ZNF804B: variants seen among roughly 807,000 people sequenced by gnomAD.
ZNF804B encodes the protein zinc finger protein 804B.
ZNF804B carries 80 observed loss-of-function variants against 101.4 expected under a neutral mutation model. That is an observed-to-expected ratio of 0.79 (90% confidence interval 0.66 to 0.95). The LOEUF (loss-of-function observed/expected upper bound fraction) is 0.95. Among genes scored for constraint, ZNF804B ranks in the 40% least tolerant of loss-of-function variants. The pLI, the probability that ZNF804B is intolerant of heterozygous loss-of-function variation, is 0.00. For missense variants in ZNF804B, 1,673 were observed against 1,561.9 expected (o/e 1.07, Z -1.20); for synonymous variants, 622 against 558.8 (o/e 1.11, Z -1.59).
chr7:89,195,532 T>C (rs1788532949), intron 1 of ZNF804B, among the ~76,000 whole-genome samples: 3 of 150,300 alleles, frequency 2.0e-5, no homozygotes, highest in African/African-American at 7.4e-5. Context: ...ACAAGCATTC[T>C]TATACACCAA....
At chr7:89,201,288 T>A (rs2115650266) in intron 1 of ZNF804B, among the ~76,000 whole-genome samples, 1 of 152,068 alleles carries the variant, frequency 6.6e-6, no homozygotes, top group East Asian at 1.9e-4. Flanking sequence ...AGAATTAGGA[T>A]TTTTTATAGC....
At chr7:89,127,077 A>G (rs1050535527) in intron 1 of ZNF804B, among the ~76,000 whole-genome samples, 1 of 151,990 alleles carries the variant, frequency 6.6e-6, no homozygotes, top group African/African-American at 2.4e-5. Flanking sequence ...TTTCTGGAAA[A>G]TAGAACAGCT....
intron 1 of ZNF804B, among the ~76,000 whole-genome samples, chr7:89,127,009 A>G (rs958569771): frequency 2.2e-5 from 2 of 91,214 alleles, no homozygotes; most frequent in Admixed American, 2.0e-4. Context: ...AAAGCAGCCT[A>G]CAAAGACAAA....
chr7:89,168,737 G>GCA (rs1435738996), intron 1 of ZNF804B, among the ~76,000 whole-genome samples: 2 of 132,000 alleles, frequency 1.5e-5, no homozygotes, highest in East Asian at 4.5e-4. Flanking sequence ...AAGTGGAGTT[G>GCA]CACATTGTCT....
chr7:88,971,763 TTTA>T (rs1343742762), intron 1 of ZNF804B, among the ~76,000 whole-genome samples: 2 of 151,542 alleles, frequency 1.3e-5, no homozygotes, highest in Non-Finnish European at 3.0e-5. Flanking sequence ...ATATTACCCT[TTTA>T]TTATTATTTA....
intron 2 of ZNF804B, among the ~76,000 whole-genome samples, chr7:89,224,626 G>T (rs1319425720): frequency 2.6e-5 from 4 of 151,764 alleles, no homozygotes; most frequent in Non-Finnish European, 5.9e-5. Context: ...AGACTGGAGT[G>T]CCTGGAATGA....
chr7:89,211,670 T>A (rs1426093706), intron 1 of ZNF804B, among the ~76,000 whole-genome samples: 1 of 152,164 alleles, frequency 6.6e-6, no homozygotes, highest in Non-Finnish European at 1.5e-5. Flanking sequence ...GTGGTCTTAT[T>A]TCTGAGTTCT....
At position 88,782,316 on chromosome 7, in the gene ZNF804B, T is replaced by C. The variant is rs1396708634; in HGVS notation, c.108+22232T>C. ...ACAGGGAGGACATAATTAATAGAAA[T>C]AATCTGCATTATTTATGCAAAGCCT... On this transcript the variant is annotated intron_variant, in intron 1 of 3. Coordinates refer to ENST00000333190, the MANE Select transcript of ZNF804B (RefSeq NM_181646.5). Among the ~76,000 whole-genome samples, 5 of 151,990 alleles carry C rather than the reference T, an allele frequency of 3.3e-5. 1 individual carries two copies. The highest frequency in any genetic ancestry group is 5.9e-5 in the Non-Finnish European group (4 of 67,976).
intron 1 of ZNF804B, among the ~76,000 whole-genome samples, chr7:88,950,753 A>G (rs1475784631): frequency 3.3e-5 from 5 of 151,890 alleles, no homozygotes; most frequent in Admixed American, 1.3e-4. Flanking sequence ...AAATTAGATT[A>G]TGTATATAAA....
chr7:89,277,094 A>G lies in ZNF804B; in HGVS notation c.250-50250A>G, dbSNP rs143404938. On this transcript the variant is annotated intron_variant, in intron 2 of 3. Transcript: ENST00000333190. Reference sequence around the variant, plus strand: ...AATAGACATTTTCAGTTTATTATGTATACAAATATTTATTATATATAAATA... The same window carrying G: ...AATAGACATTTTCAGTTTATTATGTGTACAAATATTTATTATATATAAATA... 2.2e-3 allele frequency among the ~76,000 whole-genome samples: 331 copies of G among 149,086 alleles called. 16 individuals carry two copies. In the East Asian group the frequency reaches 0.052, roughly 24 times the overall value.
At chr7:89,287,267 C>T (rs1368247677) in intron 2 of ZNF804B, among the ~76,000 whole-genome samples, 2 of 151,936 alleles carry the variant, frequency 1.3e-5, no homozygotes, top group Non-Finnish European at 2.9e-5. Flanking sequence ...GGGTTGGTAC[C>T]CCTAACCCCT....
intron 2 of ZNF804B, among the ~76,000 whole-genome samples, chr7:89,289,165 G>A (rs374026877): frequency 1.3e-5 from 2 of 152,052 alleles, no homozygotes; most frequent in Admixed American, 6.6e-5. Flanking sequence ...AAGAAATGAA[G>A]AATGAAGAAA....
At chr7:88,875,602 T>C (rs1425498949) in intron 1 of ZNF804B, among the ~76,000 whole-genome samples, 1 of 151,916 alleles carries the variant, frequency 6.6e-6, no homozygotes, top group African/African-American at 2.4e-5. Flanking sequence ...CTCCCAAGAC[T>C]AAACCAGGAA....
At chr7:89,092,832 T>A (rs1789914928) in intron 1 of ZNF804B, among the ~76,000 whole-genome samples, 1 of 152,186 alleles carries the variant, frequency 6.6e-6, no homozygotes, top group Non-Finnish European at 1.5e-5. Context: ...GTACAGTTCA[T>A]CTTATACATT....
chr7:89,121,632 A>T (rs1192949876), intron 1 of ZNF804B, among the ~76,000 whole-genome samples: 1 of 152,230 alleles, frequency 6.6e-6, no homozygotes, highest in Non-Finnish European at 1.5e-5. Context: ...GGATTAAAAT[A>T]TTGACATTTC....
At chr7:89,050,849 A>C (rs1584095975) in intron 1 of ZNF804B, among the ~76,000 whole-genome samples, 1 of 152,230 alleles carries the variant, frequency 6.6e-6, no homozygotes, top group East Asian at 1.9e-4. Flanking sequence ...TGTCATAACA[A>C]CTTTTTATAT....
At chr7:89,332,588 G>A (rs763395710) in intron 3 of ZNF804B, among the ~76,000 whole-genome samples, 1 of 151,668 alleles carries the variant, frequency 6.6e-6, no homozygotes, top group Non-Finnish European at 1.5e-5. Context: ...TTAATCTAAA[G>A]AATTTTATCT....
chr7:89,281,431 A>G (rs1317237218), intron 2 of ZNF804B, among the ~76,000 whole-genome samples: 1 of 152,216 alleles, frequency 6.6e-6, no homozygotes, highest in Non-Finnish European at 1.5e-5. Flanking sequence ...TCTGATATTA[A>G]CATGAATTTA....
Position 88,936,147 on chromosome 7 carries a change from C to T in ZNF804B, c.108+176063C>T, listed in dbSNP as rs150297333. Among the ~76,000 whole-genome samples, 783 of 149,880 alleles carry T rather than the reference C, an allele frequency of 5.2e-3. 11 individuals carry two copies. The highest frequency in any genetic ancestry group is 0.018 in the African/African-American group (738 of 40,724). On this transcript the variant is annotated intron_variant, in intron 1 of 3. Transcript: ENST00000333190. ...AACATATGCCTGTGGTCCTAGAATA[C>T]TATTGCTGAAATGTCCTTGGAAAGC...
Sources: allele counts gnomAD v4.1 joint callset (sites outside exome capture counted in the v4.1 genomes callset), GRCh38; gene constraint gnomAD v4.1.1; transcripts MANE v1.5; gene names NCBI Gene and HGNC (gene_info 2026-07-23, HGNC 2026-07-21).